Variants in MARCHF8 observed in about 807,000 individuals in gnomAD.
The protein encoded by MARCHF8 is E3 ubiquitin-protein ligase MARCHF8.
A neutral mutation model predicts 51.6 loss-of-function variants in MARCHF8; 40 were observed. That is an observed-to-expected ratio of 0.77 (90% CI 0.60 to 1.01). The LOEUF (loss-of-function observed/expected upper bound fraction) is 1.01. Ranked by LOEUF, MARCHF8 falls within the 50% of genes least tolerant of loss-of-function variation. The probability of loss-of-function intolerance (pLI) is 0.00; values close to 1 mark genes in which losing one functional copy is unlikely to be tolerated. For synonymous variants in MARCHF8, 263 were observed against 280.3 expected (o/e 0.94, Z 0.62); for missense variants, 685 against 708.6 (o/e 0.97, Z 0.38).
At chr10:45,503,569 A>T (rs1217817732) in intron 2 of MARCHF8, among the ~76,000 whole-genome samples, 1 of 148,330 alleles carries the variant, frequency 6.7e-6, no homozygotes, top group African/African-American at 2.5e-5. Context: ...ATAAATAAAT[A>T]AAATAAAAAC....
intron 2 of MARCHF8, among the ~76,000 whole-genome samples, chr10:45,522,235 T>TA (rs1327095844): frequency 6.6e-6 from 1 of 152,318 alleles, no homozygotes; most frequent in East Asian, 1.9e-4. Flanking sequence ...TTGTGACTGT[T>TA]AGATTTGGGG....
In MARCHF8 at chr10:45,457,297, T is replaced by A. The variant is rs3802548; in HGVS notation, c.*942A>T. On this transcript the variant is annotated 3_prime_UTR_variant, in exon 8 of 8. Transcript: ENST00000453424. ...TTTCGATCTCAGAAACTGTTCTTTT[T>A]CAGTGTTGACAAAAAAGAAATGTAT... 0.23 allele frequency: 35,281 copies of A among 152,150 alleles called. 4,304 individuals are homozygous for A. The highest frequency in any genetic ancestry group is 0.3 in the Admixed American group (4,521 of 15,288). 9.4% of individuals were successfully genotyped at this position (152,150 alleles called of 1,614,324 possible). A position where few individuals can be genotyped will look rare whatever the true frequency, so the allele number is the denominator to read the frequency against.
At chr10:45,480,964 G>A (rs956875315) in intron 3 of MARCHF8, among the ~76,000 whole-genome samples, 8 of 152,352 alleles carry the variant, frequency 5.3e-5, no homozygotes, top group South Asian at 2.1e-4. Flanking sequence ...ATGACAGCTC[G>A]TGAAAGCAGC....
intron 1 of MARCHF8, among the ~76,000 whole-genome samples, chr10:45,553,823 G>A (rs1431987880): frequency 7.3e-6 from 1 of 136,168 alleles, no homozygotes; most frequent in Non-Finnish European, 1.6e-5. Context: ...GTGTGCACAT[G>A]CATGGACATG....
chr10:45,569,322 T>C (rs570480455), intron 1 of MARCHF8, among the ~76,000 whole-genome samples: 19 of 152,252 alleles, frequency 1.2e-4, no homozygotes, highest in Admixed American at 3.3e-4. Flanking sequence ...AGATGTTAAA[T>C]TTCATCAAAT....
intron 1 of MARCHF8, among the ~76,000 whole-genome samples, chr10:45,551,028 T>A (rs2133337781): frequency 6.6e-6 from 1 of 152,258 alleles, no homozygotes; most frequent in Admixed American, 6.5e-5. Flanking sequence ...TTGGCAGACT[T>A]TTTTTTAAGG....
intron 1 of MARCHF8, among the ~76,000 whole-genome samples, chr10:45,543,640 T>A (rs2133314584): frequency 6.7e-6 from 1 of 149,648 alleles, no homozygotes; most frequent in African/African-American, 2.5e-5. Flanking sequence ...TTACTAAAAA[T>A]ACAAAAAATT....
intron 1 of MARCHF8, among the ~76,000 whole-genome samples, chr10:45,556,904 C>T (rs2044257363): frequency 6.6e-6 from 1 of 152,046 alleles, no homozygotes; most frequent in African/African-American, 2.4e-5. Context: ...CCTGTATGTA[C>T]TTAACCTTTT....
At chr10:45,467,755 G>T (rs1310881986) in intron 3 of MARCHF8, among the ~76,000 whole-genome samples, 1 of 151,920 alleles carries the variant, frequency 6.6e-6, no homozygotes, top group Non-Finnish European at 1.5e-5. Flanking sequence ...TGTGGCACGT[G>T]TGAGCCGGGG....
intron 2 of MARCHF8, among the ~76,000 whole-genome samples, chr10:45,520,906 G>T (rs2043695233): frequency 6.6e-6 from 1 of 152,134 alleles, no homozygotes; most frequent in Non-Finnish European, 1.5e-5. Flanking sequence ...TCAACTGAAA[G>T]AAATCACAAA....
Position 45,512,581 on chromosome 10 carries a change from G to A in MARCHF8, c.102+20529C>T, listed in dbSNP as rs1287053936. Among the ~76,000 whole-genome samples the A allele has an allele frequency of 1.2e-3, 177 of 146,052 alleles. 1 individual carries two copies. The highest frequency in any genetic ancestry group is 4.0e-3 in the African/African-American group (156 of 39,088). ...GAGGAGCCCCTCTGCCCGGCCAGCC[G>A]CCCAGTCCGGGAGGGAGGTGGGGGG... On this transcript the variant is annotated intron_variant, in intron 2 of 7. Coordinates refer to ENST00000453424, the MANE Select transcript of MARCHF8 (RefSeq NM_001282866.2).
At chr10:45,586,677 A>T (rs1042273554) in intron 1 of MARCHF8, among the ~76,000 whole-genome samples, 3 of 152,150 alleles carry the variant, frequency 2.0e-5, no homozygotes, top group African/African-American at 4.8e-5. Flanking sequence ...TCTTGTAGGC[A>T]AAAAGTTGCT....
In MARCHF8 at chr10:45,463,442, G is replaced by A. The variant is rs750730963; in HGVS notation, c.797C>T (p.Ser266Leu). ...RQLLQYLFSL[S>L]HGLSASSLHR... ...CAGGCTGCTGGCGCTCAAGCCGTGC[G>A]AGAGTGAGAACAGGTACTGGAGCAG... The change falls in exon 5 of 8, where the codon TCG becomes TTG. Residue 266 changes from serine (S) to leucine (L), a missense_variant. Ser to Leu is a moderately radical substitution (Grantham distance 145). Transcript: ENST00000453424. 3.2e-5 allele frequency: 49 copies of A among 1,550,514 alleles called. No individual in the cohort carries two copies. In the East Asian group the frequency reaches 6.1e-4, roughly 19 times the overall value.
At chr10:45,539,946 CA>C (rs1159231504), upstream of MARCHF8, among the ~76,000 whole-genome samples, 4 of 152,150 alleles carry the variant, frequency 2.6e-5, no homozygotes, top group Non-Finnish European at 5.9e-5. Flanking sequence ...CTCCCATTCA[CA>C]ATTGTTTCAA....
intron 1 of MARCHF8, 82 bp from the exon 2 acceptor site, chr10:45,533,371 T>C: frequency 1.2e-6 from 1 of 805,564 alleles, no homozygotes; most frequent in Non-Finnish European, 1.7e-6. Flanking sequence ...ATTTTATACT[T>C]ATATTCATAT....
At chr10:45,589,854 G>A (rs948645344) in intron 1 of MARCHF8, among the ~76,000 whole-genome samples, 1 of 152,112 alleles carries the variant, frequency 6.6e-6, no homozygotes, top group Non-Finnish European at 1.5e-5. Context: ...TGGCTATTAT[G>A]GCTACCGCTA....
intron 3 of MARCHF8, among the ~76,000 whole-genome samples, chr10:45,477,314 T>C (rs568214972): frequency 2.5e-4 from 38 of 152,266 alleles, no homozygotes; most frequent in African/African-American, 8.2e-4. Context: ...CACCACCAGA[T>C]TGGTCCTATA....
chr10:45,514,383 G>A (rs568415470), intron 2 of MARCHF8, among the ~76,000 whole-genome samples: 1 of 152,348 alleles, frequency 6.6e-6, no homozygotes, highest in African/African-American at 2.4e-5. Flanking sequence ...TCAGTGCAGC[G>A]CTTCCCCGCA....
intron 2 of MARCHF8, among the ~76,000 whole-genome samples, chr10:45,519,776 G>A (rs938587576): frequency 3.3e-5 from 5 of 152,290 alleles, no homozygotes; most frequent in East Asian, 1.9e-4. Flanking sequence ...TGACCTACAC[G>A]GCTGCCTGAA....
Sources: allele counts gnomAD v4.1 joint callset (sites outside exome capture counted in the v4.1 genomes callset), GRCh38; gene constraint gnomAD v4.1.1; transcripts MANE v1.5; gene names NCBI Gene and HGNC (gene_info 2026-07-23, HGNC 2026-07-21).